Variants in DEK observed in about 807,000 individuals in gnomAD.
DEK encodes protein DEK.
In DEK, 28 loss-of-function variants were observed where a neutral mutation model predicts 46.8. The ratio of observed to expected loss-of-function variants is 0.60; its 90% confidence interval spans 0.44 to 0.82. DEK has a LOEUF of 0.82. DEK is among the 40% of genes least tolerant of loss of function. The pLI is 0.00. For missense variants in DEK, 416 were observed against 430.6 expected, an observed-to-expected ratio of 0.97 and a Z score of 0.30; for synonymous variants, 160 against 144.5, an observed-to-expected ratio of 1.11 and a Z score of -0.77.
chr6:18,232,906 AAAG>A (rs1194519919), intron 9 of DEK, among the ~76,000 whole-genome samples: 1 of 152,238 alleles, frequency 6.6e-6, no homozygotes, highest in Admixed American at 6.5e-5. Flanking sequence ...TCTTAAGCCA[AAAG>A]AACAAAGCTG....
intron 9 of DEK, among the ~76,000 whole-genome samples, chr6:18,231,428 G>A (rs1466612122): frequency 6.6e-6 from 1 of 152,116 alleles, no homozygotes; most frequent in Non-Finnish European, 1.5e-5. Flanking sequence ...AATTAATCCA[G>A]GAGCTGGTTT....
At chr6:18,254,566 C>G (rs1791527206) in intron 6 of DEK, among the ~76,000 whole-genome samples, 1 of 151,322 alleles carries the variant, frequency 6.6e-6, no homozygotes, top group South Asian at 2.1e-4. Context: ...ATCAAAATAA[C>G]TCATATTAAA....
At chr6:18,256,324 T>C (rs1791594930) in intron 5 of DEK, 37 bp downstream of exon 5, 3 of 1,534,090 alleles carry the variant, frequency 2.0e-6, no homozygotes, top group Non-Finnish European at 1.8e-6. Flanking sequence ...ACTTAAAGCA[T>C]ATTGATCAAA....
intron 7 of DEK, among the ~76,000 whole-genome samples, chr6:18,239,375 G>T (rs1199380164): frequency 8.5e-6 from 1 of 117,124 alleles, no homozygotes; most frequent in Admixed American, 1.0e-4. Flanking sequence ...AAAAAGAGAT[G>T]GTCTCGCTAT....
chr6:18,256,515 T>G, intron 4 of DEK, 60 bp from the exon 5 acceptor site: 1 of 1,413,278 alleles, frequency 7.1e-7, no homozygotes, highest in Non-Finnish European at 9.8e-7. Flanking sequence ...CAAGAATAAA[T>G]TCAAAGCCAA....
intron 6 of DEK, among the ~76,000 whole-genome samples, chr6:18,250,460 C>A (rs1179937903): frequency 6.6e-6 from 1 of 151,758 alleles, no homozygotes; most frequent in Non-Finnish European, 1.5e-5. Flanking sequence ...CAGTGTGAGA[C>A]TCCGTCTCAA....
chr6:18,261,574 AAAAC>A (rs56191223), intron 2 of DEK, among the ~76,000 whole-genome samples: 46 of 152,150 alleles, frequency 3.0e-4, no homozygotes, highest in South Asian at 6.2e-4. Context: ...TCCGTTTCAA[AAAAC>A]AAACAAACAA....
At chr6:18,260,460 A>G (rs1791807023) in intron 2 of DEK, among the ~76,000 whole-genome samples, 1 of 152,142 alleles carries the variant, frequency 6.6e-6, no homozygotes. Flanking sequence ...GAAAAATCAT[A>G]ATCATCTCCA....
chr6:18,226,001 A>G lies in DEK; in HGVS notation c.1116+173T>C. ...TCTTATCACTAACTGTTCAAACTTT[A>G]ATTTTAAGCTTTAAAGTGGGAATGA... is the stretch of plus-strand genomic sequence containing the variant. On this transcript the variant is annotated intron_variant, in intron 10 of 10. Transcript: ENST00000652689. 5.1e-6 allele frequency: 4 copies of G among 777,584 alleles called. No individual in the cohort carries two copies. In the South Asian group the frequency reaches 1.0e-4, roughly 20 times the overall value. 48.2% of individuals were successfully genotyped at this position (777,584 alleles called of 1,614,324 possible).
chr6:18,238,683 C>CAAAAA (rs201851628), intron 7 of DEK, among the ~76,000 whole-genome samples: 1 of 91,828 alleles, frequency 1.1e-5, no homozygotes. Flanking sequence ...GAGACTGTCT[C>CAAAAA]AAAAAAAAAA....
rs1203751091 is a variant in DEK at position 18,224,613 on chromosome 6, G to GT, written c.*1105dup. The GT allele has an allele frequency of 4.9e-6, 1 of 204,360 alleles. No homozygotes were observed. The allele number at this position is 204,360 out of a possible 1,614,324, so 12.7% of individuals were successfully genotyped here. A position where few individuals can be genotyped will look rare whatever the true frequency, so the allele number is the denominator to read the frequency against. ...CAGAGAAACATTAAATTTCTTTAAT[G>GT]TAAAAGTATATTATTTTTGAGACAC... On this transcript the variant is annotated 3_prime_UTR_variant, in exon 11 of 11. Transcript: ENST00000652689.
chr6:18,226,764 A>T (rs1790145583), intron 9 of DEK, among the ~76,000 whole-genome samples: 1 of 152,142 alleles, frequency 6.6e-6, no homozygotes, highest in African/African-American at 2.4e-5. Context: ...TGGACCACAG[A>T]GTGTGGGGAA....
chr6:18,247,598 C>T (rs1206103325), intron 7 of DEK, among the ~76,000 whole-genome samples: 1 of 152,072 alleles, frequency 6.6e-6, no homozygotes, highest in Admixed American at 6.5e-5. Flanking sequence ...CATCTGCATA[C>T]ACCAAGTTCA....
intron 6 of DEK, among the ~76,000 whole-genome samples, chr6:18,253,374 T>C (rs988908907): frequency 6.6e-6 from 1 of 152,232 alleles, no homozygotes; most frequent in Non-Finnish European, 1.5e-5. Flanking sequence ...TCACATCTAC[T>C]ACTGTGAACT....
At chr6:18,260,033 T>C (rs183918976) in intron 2 of DEK, among the ~76,000 whole-genome samples, 126 of 152,340 alleles carry the variant, frequency 8.3e-4, no homozygotes, top group African/African-American at 3.0e-3. Context: ...AACTTTCATC[T>C]GAGATTCATA....
chr6:18,225,004 C>T lies in DEK; in HGVS notation c.*715G>A. The T allele has an allele frequency of 4.6e-6, 1 of 217,568 alleles. No individual in the cohort carries two copies. The highest frequency in any genetic ancestry group is 9.3e-6 in the Non-Finnish European group (1 of 107,956). 13.5% of individuals were successfully genotyped at this position (217,568 alleles called of 1,614,324 possible). A position where few individuals can be genotyped will look rare whatever the true frequency, so the allele number is the denominator to read the frequency against. Reference sequence around the variant, plus strand: ...ATCACTGAATTGACTTTCACTGTTCCATCATACTGTTTGGCTGAACACTGA... The same window carrying T: ...ATCACTGAATTGACTTTCACTGTTCTATCATACTGTTTGGCTGAACACTGA... On this transcript the variant is annotated 3_prime_UTR_variant, in exon 11 of 11. Transcript: ENST00000652689.
At chr6:18,263,699 T>C in intron 2 of DEK, 144 bp downstream of exon 2, 2 of 1,551,644 alleles carry the variant, frequency 1.3e-6, no homozygotes, top group East Asian at 4.6e-5. Flanking sequence ...CAAAAGCAGA[T>C]AAATTGTGCA....
intron 9 of DEK, among the ~76,000 whole-genome samples, chr6:18,232,613 G>A (rs554708584): frequency 6.6e-6 from 1 of 152,188 alleles, no homozygotes; most frequent in East Asian, 1.9e-4. Flanking sequence ...ATTCACAATT[G>A]CTTCAAAGAG....
intron 6 of DEK, among the ~76,000 whole-genome samples, chr6:18,251,471 T>C (rs1791371644): frequency 6.6e-6 from 1 of 152,148 alleles, no homozygotes; most frequent in Admixed American, 6.5e-5. Flanking sequence ...CAGGATAACC[T>C]AGATTGCTCC....
Sources: gnomAD v4.1 joint callset for allele counts (sites outside exome capture counted in the v4.1 genomes callset) on GRCh38, gnomAD v4.1.1 for gene constraint, MANE v1.5 for transcripts, NCBI Gene and HGNC (gene_info 2026-07-23, HGNC 2026-07-21) for gene names.